KCNC4: variants seen among roughly 807,000 people sequenced by gnomAD.
KCNC4 encodes the protein voltage-gated potassium channel KCNC4.
In KCNC4, 23 loss-of-function variants were observed where a neutral mutation model predicts 42.8. That is an observed-to-expected ratio of 0.54 (90% CI 0.39 to 0.76). The LOEUF is 0.76. Ranked by LOEUF, KCNC4 falls within the 30% of genes least tolerant of loss-of-function variation. The pLI is 0.00. For synonymous variants in KCNC4, 422 were observed against 393.5 expected, an observed-to-expected ratio of 1.07 and a Z score of -0.86; for missense variants, 751 against 898.2, an observed-to-expected ratio of 0.84 and a Z score of 2.10.
exon 4 of KCNC4, chr1:110,240,758 C>T (rs1659016581): frequency 6.6e-6 from 1 of 152,562 alleles, no homozygotes; most frequent in African/African-American, 2.4e-5. Context: ...CGACGACCAC[C>T]ACCACCACCA....
At chr1:110,283,948 C>T (rs926499865), downstream of KCNC4, among the ~76,000 whole-genome samples, 2 of 152,176 alleles carry the variant, frequency 1.3e-5, no homozygotes, top group Admixed American at 6.5e-5. Context: ...GAACCACTTG[C>T]TAACTGTGTT....
chr1:110,219,233 G>A (rs566610248), intron 1 of KCNC4, among the ~76,000 whole-genome samples: 2 of 152,170 alleles, frequency 1.3e-5, no homozygotes, highest in East Asian at 1.9e-4. Context: ...CTCCAGATTC[G>A]GCTCACCTTC....
intron 1 of KCNC4, among the ~76,000 whole-genome samples, chr1:110,267,841 G>A (rs1373508859): frequency 6.6e-6 from 1 of 152,136 alleles, no homozygotes; most frequent in African/African-American, 2.4e-5. Flanking sequence ...AGAGGAATTT[G>A]GTTTACAGTT....
chr1:110,223,439 T>C lies in KCNC4; in HGVS notation c.1154T>C (p.Ile385Thr), dbSNP rs1464746348. Residue 385 changes from isoleucine (I) to threonine (T), a missense_variant, in exon 2 of 4, where the codon ATC becomes ACC. By Grantham distance (89) the Ile-to-Thr change is moderately conservative. Around this residue, in one of 4 missense-constraint regions of KCNC4, gnomAD observed 185 missense variants for 293.7 expected, o/e 0.63. Transcript: ENST00000438661. The surrounding 1 kb of genome is among the most constrained non-coding windows in gnomAD (Gnocchi z 7.5). ...RASTNEFLLL[I>T]IFLALGVLIF... ...AGCACCAATGAGTTCCTGCTGCTTA[T>C]CATCTTCCTGGCCCTGGGTGTGCTC... The C allele has an allele frequency of 4.3e-6, 7 of 1,613,860 alleles. No homozygotes were observed. The highest frequency in any genetic ancestry group is 5.9e-6 in the Non-Finnish European group (7 of 1,180,012).
chr1:110,249,317 A>C (rs1659211376), downstream of KCNC4, among the ~76,000 whole-genome samples: 1 of 151,916 alleles, frequency 6.6e-6, no homozygotes, highest in Non-Finnish European at 1.5e-5. Flanking sequence ...CTTCCCCTTT[A>C]CCCTCCTGCC....
downstream of KCNC4, among the ~76,000 whole-genome samples, chr1:110,283,945 T>G (rs981902829): frequency 6.6e-6 from 1 of 152,206 alleles, no homozygotes; most frequent in Non-Finnish European, 1.5e-5. Flanking sequence ...ATGGAACCAC[T>G]TGCTAACTGT....
intron 1 of KCNC4, among the ~76,000 whole-genome samples, chr1:110,213,458 G>T (rs1193790627): frequency 6.6e-6 from 1 of 152,188 alleles, no homozygotes; most frequent in African/African-American, 2.4e-5. Context: ...AGTCATAGAA[G>T]AAGGCAGGGT....
At chr1:110,212,660 A>G (rs1657553729) in intron 1 of KCNC4, among the ~76,000 whole-genome samples, 1 of 152,182 alleles carries the variant, frequency 6.6e-6, no homozygotes, top group Non-Finnish European at 1.5e-5. Flanking sequence ...TCCTCCCAGC[A>G]GCTCAGTGTG....
At chr1:110,225,655 C>G (rs1359986826) in intron 2 of KCNC4, 1 of 269,032 alleles carries the variant, frequency 3.7e-6, no homozygotes, top group African/African-American at 2.2e-5. Context: ...AGTCTGCGGA[C>G]TGCTTTGGGC....
intron 1 of KCNC4, among the ~76,000 whole-genome samples, chr1:110,279,792 ATT>A (rs746438498): frequency 0.019 from 1,899 of 98,308 alleles, 5 homozygotes; most frequent in South Asian, 0.055. Context: ...GGCTTTAGGA[ATT>A]TTTTTTTTTT....
chr1:110,249,267 T>A (rs1156296101), downstream of KCNC4: 2 of 152,242 alleles, frequency 1.3e-5, no homozygotes, highest in South Asian at 4.1e-4. Context: ...AAAAATTCTT[T>A]CGGTCCTGCA....
Position 110,211,477 on chromosome 1 carries a change from G to T in KCNC4, c.-23G>T. ...GTTTGGAGGGCAGCGGCCGCCCCAA[G>T]CCGGAGCCCCGCAGCGCTTCTTATG... On this transcript the variant is annotated 5_prime_UTR_variant, in exon 1 of 4. Transcript: ENST00000438661. This position sits in a 1 kb window ranked among gnomAD's most constrained non-coding sequence, Gnocchi z 6.5. 1 of 1,597,188 alleles carries T rather than the reference G, an allele frequency of 6.3e-7. No individual in the cohort carries two copies. Among genetic ancestry groups the T allele is most frequent in the Non-Finnish European group, 8.6e-7 (1 of 1,168,968 alleles).
rs1227988560 is a variant in KCNC4, at chr1:110,226,116, C to G, written c.1757C>G (p.Ala586Gly). The change falls in exon 3 of 4, where the codon GCA (alanine) becomes GGA (glycine). Residue 586 changes from alanine (A) to glycine (G), a missense_variant. Coordinates refer to ENST00000438661, the MANE Select transcript of KCNC4 (RefSeq NM_001039574.3). ...ACCACTCGAGACAGAAACAAGAAGG[C>G]AGCTGCCTGCTTCCTGCTCAGCACT... ...RSTTRDRNKK[A>G]AACFLLSTGD... is the part of the protein sequence containing the mutation. 3.7e-6 allele frequency: 6 copies of G among 1,614,198 alleles called. No homozygotes were observed. The South Asian group carries it at 6.6e-5, about 18-fold the overall frequency.
At chr1:110,261,017 T>G (rs150168394) in intron 1 of KCNC4, among the ~76,000 whole-genome samples, 28 of 152,232 alleles carry the variant, frequency 1.8e-4, no homozygotes, top group African/African-American at 6.7e-4. Context: ...GTCCTAAGAG[T>G]TTTTGTCTTG....
chr1:110,263,295 G>C (rs1169144069), intron 1 of KCNC4, among the ~76,000 whole-genome samples: 1 of 151,994 alleles, frequency 6.6e-6, no homozygotes, highest in Non-Finnish European at 1.5e-5. Flanking sequence ...GTGACATCTT[G>C]GGAGATTTTG....
chr1:110,268,268 A>C (rs1460421042), intron 1 of KCNC4, among the ~76,000 whole-genome samples: 1 of 152,108 alleles, frequency 6.6e-6, no homozygotes, highest in Non-Finnish European at 1.5e-5. Flanking sequence ...CTGTCAATCA[A>C]TTGTTTCAAT....
intron 1 of KCNC4, among the ~76,000 whole-genome samples, chr1:110,279,764 C>A (rs1042220391): frequency 6.6e-6 from 1 of 151,682 alleles, no homozygotes; most frequent in African/African-American, 2.4e-5. Context: ...TTTATTATCC[C>A]CTTCCTGGTT....
At chr1:110,230,990 A>G (rs1658663997) in intron 3 of KCNC4, among the ~76,000 whole-genome samples, 1 of 152,244 alleles carries the variant, frequency 6.6e-6, no homozygotes, top group Admixed American at 6.5e-5. Flanking sequence ...TCCTTGGGCT[A>G]GACTTGGACC....
intron 1 of KCNC4, among the ~76,000 whole-genome samples, chr1:110,271,304 A>G (rs1273463921): frequency 6.6e-6 from 1 of 152,224 alleles, no homozygotes; most frequent in African/African-American, 2.4e-5. Context: ...ACTAAAGATC[A>G]TCTACTCCAA....
Sources: allele counts gnomAD v4.1 joint callset (sites outside exome capture counted in the v4.1 genomes callset), GRCh38; gene constraint gnomAD v4.1.1; regional missense constraint gnomAD v4.1.1; non-coding constraint Gnocchi (gnomAD v3.1); transcripts MANE v1.5; gene names NCBI Gene and HGNC (gene_info 2026-07-23, HGNC 2026-07-21).